Variants in CSMD1 observed in about 807,000 individuals in gnomAD.
CSMD1 encodes CUB and Sushi multiple domains 1, also known as CUB and sushi domain-containing protein 1.
Under a neutral mutation model 417.5 loss-of-function variants are expected in CSMD1, and 213 were observed. The ratio of observed to expected loss-of-function variants is 0.51; its 90% CI spans 0.46 to 0.57. CSMD1 has a LOEUF of 0.57. CSMD1 is among the 20% of genes least tolerant of loss of function. The pLI, the probability that CSMD1 is intolerant of heterozygous loss-of-function variation, is 0.00. For synonymous variants in CSMD1, 2,862 were observed against 1,736.8 expected (o/e 1.65, Z -16.11); for missense variants, 6,923 against 4,529.7 (o/e 1.53, Z -15.17).
chr8:4,131,995 A>G (rs537899633), intron 3 of CSMD1, among the ~76,000 whole-genome samples: 1 of 151,924 alleles, frequency 6.6e-6, no homozygotes, highest in East Asian at 1.9e-4. Flanking sequence ...CGATCTCCTG[A>G]CCTCGTGATC....
In CSMD1 at chr8:3,437,407, C is replaced by A. The variant is rs73660006; in HGVS notation, c.1562-27802G>T. 5.8e-3 allele frequency among the ~76,000 whole-genome samples: 886 copies of A among 152,296 alleles called. 11 individuals are homozygous for A. Among genetic ancestry groups the A allele is most frequent in the African/African-American group, 0.019 (802 of 41,562 alleles). On this transcript the variant is annotated intron_variant, in intron 12 of 69. Coordinates refer to ENST00000635120, the MANE Select transcript of CSMD1 (RefSeq NM_033225.6). ...TCTTTGGCAATTCATACAGTTCTGA[C>A]TTATCCTAAAGGCTGAATTAAATGG...
intron 5 of CSMD1, among the ~76,000 whole-genome samples, chr8:3,827,537 T>C (rs111892650): frequency 1.1e-4 from 16 of 152,354 alleles, no homozygotes; most frequent in Admixed American, 8.5e-4. Context: ...GGCACTGTCA[T>C]ATTCCTGAAA....
At chr8:3,481,915 G>C (rs1241668979) in intron 11 of CSMD1, among the ~76,000 whole-genome samples, 4 of 152,100 alleles carry the variant, frequency 2.6e-5, no homozygotes, top group Admixed American at 6.5e-5. Flanking sequence ...CTGCTGTTTT[G>C]AGCCACCAAG....
chr8:4,489,535 T>C (rs1169332907), intron 2 of CSMD1, among the ~76,000 whole-genome samples: 1 of 152,150 alleles, frequency 6.6e-6, no homozygotes, highest in East Asian at 1.9e-4. Context: ...CTCTCAATGA[T>C]TGTGTGGCAG....
At chr8:4,521,733 C>T (rs1003213368) in intron 2 of CSMD1, among the ~76,000 whole-genome samples, 1 of 152,086 alleles carries the variant, frequency 6.6e-6, no homozygotes, top group African/African-American at 2.4e-5. Context: ...AGACATAGCT[C>T]ATAAGAACAG....
intron 3 of CSMD1, among the ~76,000 whole-genome samples, chr8:4,396,382 G>T (rs933125102): frequency 6.6e-6 from 1 of 151,962 alleles, no homozygotes; most frequent in Non-Finnish European, 1.5e-5. Flanking sequence ...CAGGAGGATT[G>T]CTTGAGCCTG....
At chr8:4,564,124 A>G (rs1018177329) in intron 2 of CSMD1, among the ~76,000 whole-genome samples, 9 of 152,222 alleles carry the variant, frequency 5.9e-5, no homozygotes, top group Admixed American at 5.9e-4. Flanking sequence ...CAATATTTAT[A>G]TTCTATAAAA....
intron 1 of CSMD1, among the ~76,000 whole-genome samples, chr8:4,769,333 G>A (rs556310553): frequency 6.8e-4 from 104 of 152,246 alleles, no homozygotes; most frequent in Middle Eastern, 3.4e-3. Flanking sequence ...TACAATTACC[G>A]TTTAAGTAAG....
chr8:4,754,236 A>G (rs1459080730), intron 1 of CSMD1, among the ~76,000 whole-genome samples: 1 of 152,176 alleles, frequency 6.6e-6, no homozygotes, highest in Non-Finnish European at 1.5e-5. Context: ...TGCCATTTCC[A>G]TGTCTCAGAG....
intron 1 of CSMD1, among the ~76,000 whole-genome samples, chr8:4,666,201 C>T (rs186646849): frequency 5.8e-4 from 89 of 152,192 alleles, no homozygotes; most frequent in Admixed American, 1.4e-3. Flanking sequence ...GTCCTACTTC[C>T]TGGAAACTGT....
intron 26 of CSMD1, among the ~76,000 whole-genome samples, chr8:3,251,792 T>G (rs1362525494): frequency 6.6e-6 from 1 of 152,326 alleles, no homozygotes; most frequent in East Asian, 1.9e-4. Context: ...CCCTTGTCAG[T>G]TGGATTCATA....
chr8:4,234,372 G>C (rs60168003), intron 3 of CSMD1, among the ~76,000 whole-genome samples: 5 of 151,976 alleles, frequency 3.3e-5, no homozygotes, highest in African/African-American at 1.2e-4. Context: ...AGGAGTGGAA[G>C]ATGTGTGGCA....
At chr8:3,262,259 G>T in intron 26 of CSMD1, among the ~76,000 whole-genome samples, 1 of 134,804 alleles carries the variant, frequency 7.4e-6, no homozygotes. Flanking sequence ...TCAAAATTCC[G>T]AGAGGTTAAA....
chr8:3,906,267 C>T (rs1033494623), intron 5 of CSMD1, among the ~76,000 whole-genome samples: 1 of 148,480 alleles, frequency 6.7e-6, no homozygotes, highest in African/African-American at 2.4e-5. Context: ...ATGTGTGCTG[C>T]TTCAAATAAA....
chr8:4,095,353 G>C (rs1184731129), intron 3 of CSMD1, among the ~76,000 whole-genome samples: 1 of 151,970 alleles, frequency 6.6e-6, no homozygotes, highest in African/African-American at 2.4e-5. Context: ...GCATTGCCTG[G>C]TTGTATGTGG....
chr8:3,022,206 C>T (rs1293963679), intron 51 of CSMD1, among the ~76,000 whole-genome samples: 1 of 151,586 alleles, frequency 6.6e-6, no homozygotes, highest in Non-Finnish European at 1.5e-5. Context: ...AATGCACCCG[C>T]AGCCCCACAG....
intron 3 of CSMD1, among the ~76,000 whole-genome samples, chr8:4,324,157 A>C (rs549684270): frequency 9.2e-5 from 14 of 152,364 alleles, no homozygotes; most frequent in African/African-American, 3.1e-4. Flanking sequence ...CAATGCTGAC[A>C]AACAGTGGAA....
At chr8:3,384,734 T>TTA (rs1250179440) in intron 18 of CSMD1, among the ~76,000 whole-genome samples, 5 of 123,600 alleles carry the variant, frequency 4.0e-5, no homozygotes, top group Non-Finnish European at 8.1e-5. Context: ...TTTATATATA[T>TTA]TATATAAATA....
intron 1 of CSMD1, among the ~76,000 whole-genome samples, chr8:4,831,742 G>A (rs1336236389): frequency 6.6e-6 from 1 of 152,060 alleles, no homozygotes; most frequent in African/African-American, 2.4e-5. Flanking sequence ...CTGGCCTTGG[G>A]GTTCTAGTCC....
Sources: allele counts gnomAD v4.1 joint callset (sites outside exome capture counted in the v4.1 genomes callset), GRCh38; gene constraint gnomAD v4.1.1; transcripts MANE v1.5; gene names NCBI Gene and HGNC (gene_info 2026-07-23, HGNC 2026-07-21).